The following STK32B variants were observed in gnomAD, a reference collection of about 807,000 sequenced individuals.
STK32B encodes the protein serine/threonine-protein kinase 32B.
STK32B carries 43 observed loss-of-function variants against 52.6 expected under a neutral mutation model. The observed-to-expected ratio is 0.82, with a 90% CI of 0.64 to 1.05. STK32B has a LOEUF of 1.05. STK32B is among the 50% of genes least tolerant of loss of function. The pLI is 0.00. For synonymous variants in STK32B, 238 were observed against 204.3 expected, an observed-to-expected ratio of 1.17 and a Z score of -1.41; for missense variants, 621 against 534.6, an observed-to-expected ratio of 1.16 and a Z score of -1.59.
intron 3 of STK32B, among the ~76,000 whole-genome samples, chr4:5,275,768 A>C (rs536803544): frequency 4.7e-4 from 71 of 152,026 alleles, no homozygotes; most frequent in African/African-American, 1.7e-3. Context: ...AACCACCCTG[A>C]GAGTGGCGCA....
At chr4:5,339,532 A>G (rs1427667017) in intron 4 of STK32B, among the ~76,000 whole-genome samples, 2 of 152,164 alleles carry the variant, frequency 1.3e-5, no homozygotes, top group African/African-American at 2.4e-5. Flanking sequence ...TTTTCCATCA[A>G]TTCAAGAGCT....
chr4:5,025,663 C>T, the STK32B span, among the ~76,000 whole-genome samples: 1 of 152,200 alleles, frequency 6.6e-6, no homozygotes, highest in Non-Finnish European at 1.5e-5. Context: ...CCTTCTCTGT[C>T]TCATGTTCCC....
intron 11 of STK32B, among the ~76,000 whole-genome samples, chr4:5,491,549 G>A (rs1370493209): frequency 6.6e-6 from 1 of 151,850 alleles, no homozygotes; most frequent in Non-Finnish European, 1.5e-5. Flanking sequence ...TCTGATGGTA[G>A]TTTCTTTTGC....
chr4:5,445,533 T>C (rs1412459819), intron 6 of STK32B, among the ~76,000 whole-genome samples: 2 of 152,070 alleles, frequency 1.3e-5, no homozygotes, highest in Admixed American at 6.6e-5. Context: ...GGCACTGAGA[T>C]AACCCACCAC....
chr4:5,471,822 C>G lies in STK32B; in HGVS notation c.1106+3752C>G, dbSNP rs186849731. Reference sequence around the variant, plus strand: ...GACCCGTCTAAAGCTGCAAACCCTCCCAGCTCTGACTCCCTTGCCCTTAGG... The same window carrying G: ...GACCCGTCTAAAGCTGCAAACCCTCGCAGCTCTGACTCCCTTGCCCTTAGG... On this transcript the variant is annotated intron_variant, in intron 11 of 11. Transcript: ENST00000282908. Among the ~76,000 whole-genome samples, 434 of 152,286 alleles carry G rather than the reference C, an allele frequency of 2.8e-3. 3 individuals carry two copies. Among genetic ancestry groups the G allele is most frequent in the African/African-American group, 1.0e-2 (414 of 41,550 alleles).
At chr4:5,044,014 C>G in the STK32B span, among the ~76,000 whole-genome samples, 1 of 152,200 alleles carries the variant, frequency 6.6e-6, no homozygotes, top group Non-Finnish European at 1.5e-5. Flanking sequence ...TGGCCAATAA[C>G]AAACACGCAC....
intron 3 of STK32B, among the ~76,000 whole-genome samples, chr4:5,313,136 C>T (rs979503113): frequency 2.7e-5 from 4 of 149,640 alleles, no homozygotes; most frequent in Non-Finnish European, 5.9e-5. Context: ...ACTTTTGCTC[C>T]AACCTATTAT....
At chr4:5,061,174 T>C (rs1179991280) in intron 1 of STK32B, among the ~76,000 whole-genome samples, 1 of 152,240 alleles carries the variant, frequency 6.6e-6, no homozygotes, top group African/African-American at 2.4e-5. Flanking sequence ...ACAATACTTC[T>C]TTGCTTTTTG....
In STK32B at chr4:5,319,363, C is replaced by A. The variant is rs145516056; in HGVS notation, c.261-11857C>A. Among the ~76,000 whole-genome samples the A allele has an allele frequency of 3.3e-5, 5 of 152,298 alleles. No homozygotes were observed. The East Asian group carries it at 9.7e-4, about 29-fold the overall frequency. The stretch of plus-strand genomic sequence containing the variant: ...CAATATTGCCTCAACTGCTCTCCTG[C>A]CTAAAGCAAAGGTCCTCCAACTAAT... On this transcript the variant is annotated intron_variant, in intron 3 of 11. Transcript: ENST00000282908.
intron 3 of STK32B, among the ~76,000 whole-genome samples, chr4:5,245,420 C>G (rs1467949704): frequency 6.6e-6 from 1 of 151,690 alleles, no homozygotes; most frequent in Admixed American, 6.6e-5. Context: ...TTTTTGTTTT[C>G]CATTTGCTTG....
intron 1 of STK32B, among the ~76,000 whole-genome samples, chr4:5,100,634 C>CTT (rs369773149): frequency 1.4e-5 from 1 of 74,072 alleles, no homozygotes; most frequent in Non-Finnish European, 2.5e-5. Flanking sequence ...CTTTCTTTCT[C>CTT]TTTCTTTCTT....
At chr4:5,333,290 T>A (rs931402622) in intron 4 of STK32B, among the ~76,000 whole-genome samples, 9 of 152,232 alleles carry the variant, frequency 5.9e-5, no homozygotes, top group Non-Finnish European at 1.3e-4. Flanking sequence ...TTTTGAGAAG[T>A]GTCTGTTCAT....
chr4:5,147,687 T>C (rs1717018853), intron 2 of STK32B, among the ~76,000 whole-genome samples: 3 of 152,076 alleles, frequency 2.0e-5, no homozygotes, highest in Admixed American at 2.0e-4. Context: ...ATCATATTTT[T>C]TCTCCATATT....
At chr4:5,029,915 A>G in the STK32B span, among the ~76,000 whole-genome samples, 3 of 152,198 alleles carry the variant, frequency 2.0e-5, no homozygotes, top group Non-Finnish European at 2.9e-5. Flanking sequence ...TGGTTTCCCC[A>G]TGCTATTCTC....
At chr4:5,295,670 C>G (rs1475130372) in intron 3 of STK32B, among the ~76,000 whole-genome samples, 1 of 151,984 alleles carries the variant, frequency 6.6e-6, no homozygotes, top group Admixed American at 6.6e-5. Flanking sequence ...CTCTTTTCCT[C>G]TTCATTAGTC....
Position 5,051,767 on chromosome 4 carries a change from G to T in STK32B, c.-97G>T. On this transcript the variant is annotated 5_prime_UTR_variant, in exon 1 of 12. Coordinates refer to ENST00000282908, the MANE Select transcript of STK32B (RefSeq NM_018401.3). ...CCGCGCGCGGCTACAACCCGGACTG[G>T]GCGCGCCCCCGGCATCCCGCATCTC... 6.6e-7 allele frequency: 1 copy of T among 1,519,894 alleles called. No individual in the cohort carries two copies. Among genetic ancestry groups the T allele is most frequent in the Non-Finnish European group, 8.9e-7 (1 of 1,127,014 alleles). 94.2% of individuals were successfully genotyped at this position (1,519,894 alleles called of 1,614,324 possible).
chr4:5,089,322 T>G (rs1426737744), intron 1 of STK32B, among the ~76,000 whole-genome samples: 2 of 152,120 alleles, frequency 1.3e-5, no homozygotes, highest in East Asian at 1.9e-4. Context: ...ACCCATCCTC[T>G]AAGTTCCCTC....
chr4:5,191,757 C>G (rs1235166571), intron 3 of STK32B, among the ~76,000 whole-genome samples: 1 of 152,130 alleles, frequency 6.6e-6, no homozygotes, highest in African/African-American at 2.4e-5. Flanking sequence ...AGATAGATCA[C>G]TCAGACTATG....
intron 3 of STK32B, among the ~76,000 whole-genome samples, chr4:5,300,548 A>G (rs1729487983): frequency 6.6e-6 from 1 of 152,198 alleles, no homozygotes; most frequent in African/African-American, 2.4e-5. Flanking sequence ...GATTCTTCCA[A>G]AAGACCCCTA....
Sources: allele counts gnomAD v4.1 joint callset (sites outside exome capture counted in the v4.1 genomes callset), GRCh38; gene constraint gnomAD v4.1.1; transcripts MANE v1.5; gene names NCBI Gene and HGNC (gene_info 2026-07-23, HGNC 2026-07-21).